The following TMC5 variants were observed in gnomAD, a reference collection of about 807,000 sequenced individuals.
TMC5 encodes the protein transmembrane channel like 5.
TMC5 carries 86 observed loss-of-function variants against 110.5 expected under a neutral mutation model. That is an observed-to-expected ratio of 0.78 (90% CI 0.65 to 0.93). TMC5 has a LOEUF of 0.93. TMC5 is among the 40% of genes least tolerant of loss of function. TMC5 has a pLI of 0.00. For missense variants in TMC5, 1,144 were observed against 1,222.8 expected (o/e 0.94, Z 0.96); for synonymous variants, 455 against 439.5 (o/e 1.04, Z -0.44).
intron 11 of TMC5, among the ~76,000 whole-genome samples, chr16:19,473,218 C>T (rs1467085918): frequency 2.0e-5 from 3 of 151,304 alleles, no homozygotes; most frequent in African/African-American, 7.3e-5. Context: ...TGATGGTGCA[C>T]CCCTGTAATC....
intron 3 of TMC5, among the ~76,000 whole-genome samples, chr16:19,442,307 C>T (rs1282082581): frequency 6.7e-6 from 1 of 149,722 alleles, no homozygotes; most frequent in Non-Finnish European, 1.5e-5. Flanking sequence ...TTCATGTTCA[C>T]GTTGCCAACA....
chr16:19,425,620 C>G (rs1047971637), intron 1 of TMC5, among the ~76,000 whole-genome samples: 1 of 152,118 alleles, frequency 6.6e-6, no homozygotes, highest in Non-Finnish European at 1.5e-5. Flanking sequence ...TCCATTGTCT[C>G]TTGAATATCA....
chr16:19,414,961 G>A (rs578203773), upstream of TMC5, among the ~76,000 whole-genome samples: 11 of 152,096 alleles, frequency 7.2e-5, no homozygotes, highest in Non-Finnish European at 1.5e-4. Flanking sequence ...TAGGCAAGAG[G>A]ATCGTTTGAG....
intron 2 of TMC5, among the ~76,000 whole-genome samples, chr16:19,431,369 C>T (rs991280170): frequency 4.6e-5 from 7 of 151,820 alleles, no homozygotes; most frequent in African/African-American, 7.3e-5. Flanking sequence ...ACTGAAACCC[C>T]GTCTCTACTA....
Position 19,496,978 on chromosome 16 carries a change from T to G in TMC5, c.2932-143T>G, listed in dbSNP as rs191242524. 1.7e-4 allele frequency: 113 copies of G among 669,272 alleles called. 2 individuals are homozygous for G. The East Asian group carries it at 2.6e-3, about 15-fold the overall frequency. The allele number at this position is 669,272 out of a possible 1,614,324, so 41.5% of individuals were successfully genotyped here. Reference sequence around the variant, plus strand: ...AAAAACAAAACATGTTCAATATTTCTATGGCGGAGACTTGGCCTTAATCTC... The same window carrying G: ...AAAAACAAAACATGTTCAATATTTCGATGGCGGAGACTTGGCCTTAATCTC... On this transcript the variant is annotated intron_variant, in intron 20 of 21. Transcript: ENST00000542583.
chr16:19,474,414 G>C (rs541911548), intron 12 of TMC5, 138 bp downstream of exon 12: 1 of 1,001,636 alleles, frequency 1.0e-6, no homozygotes, highest in African/African-American at 1.6e-5. Flanking sequence ...GTGGCTGGGC[G>C]TGGTGGCTCA....
At chr16:19,422,746 G>A (rs568851992) in intron 1 of TMC5, among the ~76,000 whole-genome samples, 156 of 152,248 alleles carry the variant, frequency 1.0e-3, no homozygotes, top group Non-Finnish European at 1.4e-3. Context: ...GGATCATGAG[G>A]TCAGGCCTGG....
chr16:19,498,547 G>C lies in TMC5; in HGVS notation c.*581G>C, dbSNP rs1969112620. The stretch of plus-strand genomic sequence containing the variant: ...TGATTACATGAGTCTTTGGAGTCGG[G>C]GATGGAGGAGGTTCTGCCCCTGTGA... On this transcript the variant is annotated 3_prime_UTR_variant, in exon 22 of 22. Coordinates refer to ENST00000542583, the MANE Select transcript of TMC5 (RefSeq NM_001261841.2). 1 of 152,736 alleles carries C rather than the reference G, an allele frequency of 6.5e-6. No individual in the cohort carries two copies. The highest frequency in any genetic ancestry group is 6.5e-5 in the Admixed American group (1 of 15,282). The allele number at this position is 152,736 out of a possible 1,614,324, so 9.5% of individuals were successfully genotyped here.
intron 1 of TMC5, among the ~76,000 whole-genome samples, chr16:19,418,639 A>G (rs1966909586): frequency 6.6e-6 from 1 of 152,062 alleles, no homozygotes; most frequent in Admixed American, 6.6e-5. Flanking sequence ...ATGGTGTTCA[A>G]GAAACAATAA....
chr16:19,447,097 C>G (rs1466736638), intron 4 of TMC5, among the ~76,000 whole-genome samples: 1 of 152,158 alleles, frequency 6.6e-6, no homozygotes, highest in Non-Finnish European at 1.5e-5. Flanking sequence ...ACAAACAACT[C>G]CAAAAATCCA....
chr16:19,411,564 C>T (rs1966855863), intron 1 of TMC5: 1 of 152,144 alleles, frequency 6.6e-6, no homozygotes, highest in African/African-American at 2.4e-5. Context: ...AATCCAGGTC[C>T]CACCATTTCT....
Position 19,474,223 on chromosome 16 carries a change from G to T in TMC5, c.2037G>T (p.Arg679Ser), listed in dbSNP as rs200735779. The T allele has an allele frequency of 6.2e-7, 1 of 1,614,116 alleles. No homozygotes were observed. Among genetic ancestry groups the T allele is most frequent in the Non-Finnish European group, 8.5e-7 (1 of 1,180,026 alleles). ...TGCCATGCATCTACTCCATGTTCAG[G>T]CTTGTGGAGAGGTACGAGATGCCAC... ...LAVPCIYSMF[R>S]LVERYEMPRH... Residue 679 changes from arginine (R) to serine (S), a missense_variant, in exon 12 of 22, where the codon AGG (arginine) becomes AGT (serine). Physicochemically the swap from Arg to Ser is moderately radical, Grantham distance 110. Coordinates refer to ENST00000542583, the MANE Select transcript of TMC5 (RefSeq NM_001261841.2).
intron 5 of TMC5, among the ~76,000 whole-genome samples, chr16:19,458,606 C>G (rs936975637): frequency 1.3e-5 from 2 of 152,214 alleles, no homozygotes; most frequent in Non-Finnish European, 2.9e-5. Context: ...TATCCCTTTA[C>G]TCACACAAAG....
chr16:19,488,688 CCTT>C (rs1216063837), intron 17 of TMC5, among the ~76,000 whole-genome samples: 11 of 152,180 alleles, frequency 7.2e-5, no homozygotes, highest in Non-Finnish European at 1.6e-4. Flanking sequence ...TCACAGCCCT[CCTT>C]GTCTGCTCTC....
rs969121683 is a variant in TMC5 at position 19,434,400 on chromosome 16, A to C, written c.-80+3760A>C. 1.8e-3 allele frequency among the ~76,000 whole-genome samples: 228 copies of C among 128,906 alleles called. 9 individuals carry two copies. The highest frequency in any genetic ancestry group is 4.2e-3 in the Middle Eastern group (1 of 238). 84.6% of individuals were successfully genotyped at this position (128,906 alleles called of 152,430 possible). A position where few individuals can be genotyped will look rare whatever the true frequency, so the allele number is the denominator to read the frequency against. Reference sequence around the variant, plus strand: ...TCTATATATAATATAGATATAATATATATATCATATATATCTATATATAAT... The same window carrying C: ...TCTATATATAATATAGATATAATATCTATATCATATATATCTATATATAAT... On this transcript the variant is annotated intron_variant, in intron 2 of 21. Transcript: ENST00000542583.
chr16:19,413,112 AG>A (rs1348903717), upstream of TMC5, among the ~76,000 whole-genome samples: 1 of 152,066 alleles, frequency 6.6e-6, no homozygotes, highest in African/African-American at 2.4e-5. Context: ...CCAAGTAGCT[AG>A]GGCTTTAGGC....
At chr16:19,417,543 T>TA (rs111382831), upstream of TMC5, among the ~76,000 whole-genome samples, 1,289 of 147,658 alleles carry the variant, frequency 8.7e-3, 19 homozygotes, top group African/African-American at 0.03. Context: ...ACTCTAGGGT[T>TA]AAAAAAAAAA....
exon 1 of TMC5, chr16:19,411,106 C>T (rs1966854841): frequency 6.6e-6 from 1 of 152,286 alleles, no homozygotes; most frequent in Non-Finnish European, 1.5e-5. Context: ...GTGCAGCCCG[C>T]CCTGCAGGTG....
intron 9 of TMC5, among the ~76,000 whole-genome samples, chr16:19,467,872 G>T (rs779646447): frequency 6.6e-6 from 1 of 152,176 alleles, no homozygotes; most frequent in African/African-American, 2.4e-5. Flanking sequence ...ATTTTGGGAA[G>T]TACACAGTCC....
Sources: gnomAD v4.1 joint callset for allele counts (sites outside exome capture counted in the v4.1 genomes callset) on GRCh38, gnomAD v4.1.1 for gene constraint, MANE v1.5 for transcripts, NCBI Gene and HGNC (gene_info 2026-07-23, HGNC 2026-07-21) for gene names.